The following GK5 variants were observed in gnomAD, a reference collection of about 807,000 sequenced individuals.
GK5 encodes glycerol kinase 5, also known as ATP:glycerol 3-phosphotransferase 5.
A neutral mutation model predicts 77.3 loss-of-function variants in GK5; 39 were observed. The observed-to-expected ratio is 0.50, with a 90% CI of 0.39 to 0.66. The LOEUF is 0.66. GK5 is among the 30% of genes least tolerant of loss of function. GK5 has a pLI of 0.00. For missense variants in GK5, 487 were observed against 633.8 expected (o/e 0.77, Z 2.49); for synonymous variants, 211 against 208.0 (o/e 1.01, Z -0.13).
At position 142,225,260 on chromosome 3, in the gene GK5, C is replaced by T. The variant is rs1242437842; in HGVS notation, c.147+49G>A. On this transcript the variant is annotated intron_variant, in intron 1 of 15. Transcript: ENST00000392993. ...CGCCTCCCGAGGCCGGACCCCGGGACTCAGCGAAACCCAGTCAGACCCGCG... is the reference window on the plus strand; with the variant it reads ...CGCCTCCCGAGGCCGGACCCCGGGATTCAGCGAAACCCAGTCAGACCCGCG... The T allele has an allele frequency of 3.4e-6, 5 of 1,483,760 alleles. No individual in the cohort carries two copies. In the African/African-American group the frequency reaches 7.2e-5, roughly 21 times the overall value. The allele number at this position is 1,483,760 out of a possible 1,614,324, so 91.9% of individuals were successfully genotyped here.
At chr3:142,167,372 T>A (rs1286471819) in intron 15 of GK5, among the ~76,000 whole-genome samples, 1 of 149,308 alleles carries the variant, frequency 6.7e-6, no homozygotes, top group Non-Finnish European at 1.5e-5. Context: ...AGACTCCATC[T>A]CAAAAAAAAA....
chr3:142,225,172 G>A (rs1248502479), intron 1 of GK5, 137 bp downstream of exon 1: 17 of 939,908 alleles, frequency 1.8e-5, no homozygotes, highest in Non-Finnish European at 2.4e-5. Context: ...CGCCGTTCTG[G>A]CCCCAGGGCC....
chr3:142,189,165 T>C (rs1463568422), intron 5 of GK5, among the ~76,000 whole-genome samples: 1 of 152,188 alleles, frequency 6.6e-6, no homozygotes, highest in Non-Finnish European at 1.5e-5. Context: ...AGATTGCATT[T>C]ATATTCATAT....
chr3:142,191,916 G>C (rs1465411116), intron 5 of GK5, among the ~76,000 whole-genome samples: 1 of 152,088 alleles, frequency 6.6e-6, no homozygotes, highest in Non-Finnish European at 1.5e-5. Flanking sequence ...AAGCTCACTT[G>C]AGCCCATGAG....
At chr3:142,215,172 G>C (rs1481050655) in intron 2 of GK5, among the ~76,000 whole-genome samples, 1 of 152,106 alleles carries the variant, frequency 6.6e-6, no homozygotes, top group African/African-American at 2.4e-5. Flanking sequence ...CTTTGGCCAG[G>C]AAAGCACTTT....
intron 1 of GK5, among the ~76,000 whole-genome samples, chr3:142,223,401 C>G (rs2064381543): frequency 6.6e-6 from 1 of 152,212 alleles, no homozygotes; most frequent in South Asian, 2.1e-4. Flanking sequence ...TACCCAGTCA[C>G]TGAAGGGTGG....
At chr3:142,220,931 C>T (rs1209663321) in intron 1 of GK5, among the ~76,000 whole-genome samples, 1 of 152,130 alleles carries the variant, frequency 6.6e-6, no homozygotes, top group Non-Finnish European at 1.5e-5. Context: ...ACTGCCCCTC[C>T]CTAACCTGGC....
At chr3:142,177,805 T>C in intron 11 of GK5, among the ~76,000 whole-genome samples, 1 of 151,742 alleles carries the variant, frequency 6.6e-6, no homozygotes, top group East Asian at 1.9e-4. Context: ...AGACAGGAGG[T>C]AGAAGGCCCT....
intron 1 of GK5, among the ~76,000 whole-genome samples, chr3:142,218,033 A>G (rs2064296434): frequency 6.6e-6 from 1 of 152,214 alleles, no homozygotes. Flanking sequence ...AAGACTTACT[A>G]TAAAGCTACA....
chr3:142,190,108 A>G (rs2063827935), intron 5 of GK5, among the ~76,000 whole-genome samples: 1 of 152,220 alleles, frequency 6.6e-6, no homozygotes, highest in Non-Finnish European at 1.5e-5. Flanking sequence ...AAATTATAGA[A>G]CTAAAATATT....
intron 12 of GK5, among the ~76,000 whole-genome samples, chr3:142,176,328 T>A (rs1449019249): frequency 6.6e-6 from 1 of 151,992 alleles, no homozygotes; most frequent in African/African-American, 2.4e-5. Flanking sequence ...ATTGCCTGAA[T>A]ATGAGATAAG....
At chr3:142,173,840 A>G (rs1203813960) in intron 12 of GK5, among the ~76,000 whole-genome samples, 3 of 152,210 alleles carry the variant, frequency 2.0e-5, no homozygotes, top group African/African-American at 7.2e-5. Context: ...CAGCGCTGTC[A>G]GGAAATTATG....
intron 4 of GK5, among the ~76,000 whole-genome samples, chr3:142,200,622 C>T (rs1177504241): frequency 6.6e-6 from 1 of 151,986 alleles, no homozygotes; most frequent in Non-Finnish European, 1.5e-5. Flanking sequence ...CTTTATACAC[C>T]CTACACTATT....
chr3:142,177,842 A>C (rs9289643), intron 11 of GK5, among the ~76,000 whole-genome samples: 74,446 of 149,642 alleles, frequency 0.5, 21,104 homozygotes, highest in African/African-American at 0.79. Flanking sequence ...ATGCAGCAGG[A>C]CTTACGTTTT....
At position 142,162,630 on chromosome 3, in the gene GK5, A is replaced by G. The variant is rs2063434026; in HGVS notation, c.*2992T>C. 6.6e-6 allele frequency: 1 copy of G among 152,228 alleles called. No homozygotes were observed. The highest frequency in any genetic ancestry group is 1.5e-5 in the Non-Finnish European group (1 of 68,038). 9.4% of individuals were successfully genotyped at this position (152,228 alleles called of 1,614,324 possible). On this transcript the variant is annotated 3_prime_UTR_variant, in exon 16 of 16. Coordinates refer to ENST00000392993, the MANE Select transcript of GK5 (RefSeq NM_001039547.3). ...CTGATAGATCTATAATGGGAAAATA[A>G]AACATGCTGAGAAGTAGCACAAATT...
intron 3 of GK5, among the ~76,000 whole-genome samples, chr3:142,210,155 G>C (rs1209980085): frequency 6.6e-6 from 1 of 152,086 alleles, no homozygotes; most frequent in Admixed American, 6.5e-5. Flanking sequence ...GGGAGAGATA[G>C]GGAGAAAAAC....
At chr3:142,210,254 G>A (rs920819308) in intron 3 of GK5, among the ~76,000 whole-genome samples, 1 of 152,176 alleles carries the variant, frequency 6.6e-6, no homozygotes, top group African/African-American at 2.4e-5. Flanking sequence ...ATGCACCATG[G>A]ATGCAGGAGG....
At position 142,225,548 on chromosome 3, in the gene GK5, G is replaced by T. The variant is rs1465529436; in HGVS notation, c.-93C>A. The T allele has an allele frequency of 2.7e-6, 4 of 1,462,310 alleles. No individual in the cohort carries two copies. Among genetic ancestry groups the T allele is most frequent in the East Asian group, 2.7e-5 (1 of 37,166 alleles). The allele number at this position is 1,462,310 out of a possible 1,614,324, so 90.6% of individuals were successfully genotyped here. On this transcript the variant is annotated 5_prime_UTR_variant, in exon 1 of 16. Transcript: ENST00000392993. ...AGAGTCCCCGGGCGGCCCAACCCGGGCCCCAACCCGGCTCAGCCGGAGAGC... is the reference window on the plus strand; with the variant it reads ...AGAGTCCCCGGGCGGCCCAACCCGGTCCCCAACCCGGCTCAGCCGGAGAGC...
Position 142,215,495 on chromosome 3 carries a change from A to G in GK5, c.241+104T>C, listed in dbSNP as rs536925202. Reference sequence around the variant, plus strand: ...GAAACTGTAATCCCAATAAAATACTATATATATGTATAACTTAGGAAAACC... The same window carrying G: ...GAAACTGTAATCCCAATAAAATACTGTATATATGTATAACTTAGGAAAACC... On this transcript the variant is annotated intron_variant, in intron 2 of 15. Transcript: ENST00000392993. 8.8e-5 allele frequency: 54 copies of G among 610,590 alleles called. No individual in the cohort carries two copies. In the South Asian group the frequency reaches 1.1e-3, roughly 12 times the overall value. 37.8% of individuals were successfully genotyped at this position (610,590 alleles called of 1,614,324 possible). A position where few individuals can be genotyped will look rare whatever the true frequency, so the allele number is the denominator to read the frequency against.
Sources: allele counts gnomAD v4.1 joint callset (sites outside exome capture counted in the v4.1 genomes callset), GRCh38; gene constraint gnomAD v4.1.1; transcripts MANE v1.5; gene names NCBI Gene and HGNC (gene_info 2026-07-23, HGNC 2026-07-21).